The following SNTG2 variants were observed in gnomAD, a reference collection of about 807,000 sequenced individuals.
SNTG2 encodes the protein syntrophin gamma 2, also known as gamma-2-syntrophin.
A neutral mutation model predicts 70.9 loss-of-function variants in SNTG2; 74 were observed. The observed-to-expected ratio is 1.04, with a 90% CI of 0.86 to 1.27. The LOEUF (loss-of-function observed/expected upper bound fraction) is 1.27, where lower values mean the gene tolerates loss of function less well. SNTG2 is among the 50% of genes most tolerant of loss of function. The pLI, the probability that SNTG2 is intolerant of heterozygous loss-of-function variation, is 0.00. For synonymous variants in SNTG2, 278 were observed against 273.8 expected (o/e 1.02, Z -0.15); for missense variants, 717 against 690.7 (o/e 1.04, Z -0.43).
At chr2:1,120,751 A>C (rs1037405989) in intron 4 of SNTG2, among the ~76,000 whole-genome samples, 1 of 152,208 alleles carries the variant, frequency 6.6e-6, no homozygotes, top group Non-Finnish European at 1.5e-5. Flanking sequence ...ACTTAAATAC[A>C]TAAAGCAAAT....
chr2:1,294,751 G>A (rs1680131084), intron 14 of SNTG2, among the ~76,000 whole-genome samples: 1 of 152,156 alleles, frequency 6.6e-6, no homozygotes, highest in Non-Finnish European at 1.5e-5. Flanking sequence ...AGAAATTATT[G>A]AACAAAATAT....
intron 1 of SNTG2, among the ~76,000 whole-genome samples, chr2:963,350 C>G (rs995493776): frequency 5.3e-5 from 8 of 151,734 alleles, no homozygotes; most frequent in African/African-American, 1.9e-4. Flanking sequence ...GCAGCATGCT[C>G]AAAAAAGTTA....
chr2:1,251,359 GCA>G (rs1677744686), intron 12 of SNTG2, among the ~76,000 whole-genome samples: 1 of 151,962 alleles, frequency 6.6e-6, no homozygotes, highest in Non-Finnish European at 1.5e-5. Flanking sequence ...AATATAGACT[GCA>G]CAGTCTGTGA....
chr2:1,039,419 T>TAACA (rs1661306936), intron 1 of SNTG2, among the ~76,000 whole-genome samples: 13 of 152,354 alleles, frequency 8.5e-5, no homozygotes, highest in Admixed American at 7.8e-4. Context: ...TATGCCATTT[T>TAACA]GTTAAAAAGT....
At chr2:1,137,930 C>A in intron 6 of SNTG2, 121 bp downstream of exon 6, 2 of 1,013,936 alleles carry the variant, frequency 2.0e-6, no homozygotes, top group Non-Finnish European at 3.0e-6. Context: ...GGAAAGAAAG[C>A]TCAAAGGTTT....
chr2:1,320,546 AAAAAAAGAAAG>A (rs1016273617), intron 16 of SNTG2, among the ~76,000 whole-genome samples: 5 of 150,862 alleles, frequency 3.3e-5, no homozygotes, highest in African/African-American at 9.9e-5. Flanking sequence ...AAAAAAAAAA[AAAAAAAGAAAG>A]AAAAAAAGAA....
At chr2:1,341,668 C>T (rs1660097090) in intron 16 of SNTG2, 2 of 152,112 alleles carry the variant, frequency 1.3e-5, no homozygotes, top group Admixed American at 1.3e-4. Context: ...AAGAAGCTTT[C>T]TCAGTCAAAT....
intron 8 of SNTG2, among the ~76,000 whole-genome samples, chr2:1,176,156 A>G (rs1418014699): frequency 6.6e-6 from 1 of 152,230 alleles, no homozygotes; most frequent in Non-Finnish European, 1.5e-5. Context: ...CTTTGTAGTT[A>G]TTCATATGGT....
At chr2:1,043,300 A>G (rs1005083947) in intron 1 of SNTG2, among the ~76,000 whole-genome samples, 12 of 152,054 alleles carry the variant, frequency 7.9e-5, no homozygotes, top group East Asian at 3.8e-4. Flanking sequence ...TAAGTTTCCT[A>G]TGGATTCTGG....
At chr2:1,329,478 A>G (rs534056372) in intron 16 of SNTG2, among the ~76,000 whole-genome samples, 8 of 152,162 alleles carry the variant, frequency 5.3e-5, no homozygotes, top group Non-Finnish European at 1.0e-4. Flanking sequence ...CTTGAGAAAG[A>G]AAGTTCTGGT....
At chr2:966,869 C>G (rs1341114741) in intron 1 of SNTG2, among the ~76,000 whole-genome samples, 4 of 152,104 alleles carry the variant, frequency 2.6e-5, no homozygotes, top group Non-Finnish European at 5.9e-5. Context: ...ATTGCTTGAA[C>G]CTGGGAGGTG....
At chr2:1,167,113 T>A (rs72490790) in intron 7 of SNTG2, among the ~76,000 whole-genome samples, 4,844 of 152,326 alleles carry the variant, frequency 0.032, 204 homozygotes, top group East Asian at 0.21. Context: ...GAGGGTCTAA[T>A]TGAGCTGATT....
intron 1 of SNTG2, among the ~76,000 whole-genome samples, chr2:1,004,843 C>A (rs747964623): frequency 1.3e-5 from 2 of 152,060 alleles, no homozygotes; most frequent in Non-Finnish European, 2.9e-5. Flanking sequence ...ACTTATGTAC[C>A]CACACAAAAA....
At chr2:1,143,891 C>CT (rs1226483116) in intron 6 of SNTG2, among the ~76,000 whole-genome samples, 1 of 144,474 alleles carries the variant, frequency 6.9e-6, no homozygotes, top group Non-Finnish European at 1.5e-5. Flanking sequence ...AACAACCCCC[C>CT]CCCAGAAAAA....
In SNTG2 at chr2:984,396, A is replaced by C. The variant is rs141577051; in HGVS notation, c.72+33328A>C. On this transcript the variant is annotated intron_variant, in intron 1 of 16. Coordinates refer to ENST00000308624, the MANE Select transcript of SNTG2 (RefSeq NM_018968.4). ...CTTCTACCAAGGGAAGGAGGCTCAA[A>C]TCTTCCAGCATGAGGCTTTTTCATT... 1.6e-3 allele frequency among the ~76,000 whole-genome samples: 248 copies of C among 152,058 alleles called. 4 individuals are homozygous for C. The South Asian group carries it at 0.019, about 12-fold the overall frequency.
At chr2:1,332,438 T>C (rs1293106018) in intron 16 of SNTG2, among the ~76,000 whole-genome samples, 2 of 152,094 alleles carry the variant, frequency 1.3e-5, no homozygotes, top group Non-Finnish European at 2.9e-5. Context: ...GAAGCCAGTA[T>C]CACCCTAATG....
At chr2:1,209,524 T>C (rs1212242293) in intron 9 of SNTG2, among the ~76,000 whole-genome samples, 1 of 152,234 alleles carries the variant, frequency 6.6e-6, no homozygotes. Context: ...TAGTTTTAAA[T>C]GCTAACAGAA....
At chr2:1,339,451 A>G (rs1268364572) in intron 16 of SNTG2, among the ~76,000 whole-genome samples, 1 of 152,222 alleles carries the variant, frequency 6.6e-6, no homozygotes, top group Non-Finnish European at 1.5e-5. Flanking sequence ...ACAATCACTT[A>G]CCAGAGTTAT....
At chr2:1,012,809 AAGGGCAGAGAGAAGGG>A (rs1659775164) in intron 1 of SNTG2, among the ~76,000 whole-genome samples, 1 of 75,530 alleles carries the variant, frequency 1.3e-5, no homozygotes, top group African/African-American at 4.4e-5. Flanking sequence ...AGGGATTTAT[AAGGGCAGAGAGAAGGG>A]TGGTCTGGAG....
Sources: allele counts gnomAD v4.1 joint callset (sites outside exome capture counted in the v4.1 genomes callset), GRCh38; gene constraint gnomAD v4.1.1; transcripts MANE v1.5; gene names NCBI Gene and HGNC (gene_info 2026-07-23, HGNC 2026-07-21).